Variants in WDR37 observed in about 807,000 individuals in gnomAD.
WDR37 encodes the protein WD repeat-containing protein 37.
In WDR37, 19 loss-of-function variants were observed where a neutral mutation model predicts 62.9. The observed-to-expected ratio is 0.30, with a 90% CI of 0.21 to 0.44. The LOEUF is 0.44. Ranked by LOEUF, WDR37 falls within the 20% of genes least tolerant of loss-of-function variation. WDR37 has a pLI of 1.00. For synonymous variants in WDR37, 250 were observed against 260.9 expected, an observed-to-expected ratio of 0.96 and a Z score of 0.40; for missense variants, 474 against 657.6, an observed-to-expected ratio of 0.72 and a Z score of 3.05.
chr10:1,116,972 A>G (rs565279159), intron 11 of WDR37, among the ~76,000 whole-genome samples: 2 of 152,076 alleles, frequency 1.3e-5, no homozygotes, highest in Admixed American at 6.5e-5. Context: ...CTGCCGTTCC[A>G]TCCTCCTCTC....
chr10:1,105,549 G>A lies in WDR37; in HGVS notation c.1103+282G>A, dbSNP rs1834975675. 6.6e-6 allele frequency among the ~76,000 whole-genome samples: 1 copy of A among 152,192 alleles called. No individual in the cohort carries two copies. The highest frequency in any genetic ancestry group is 1.5e-5 in the Non-Finnish European group (1 of 68,034). ...GGGTGGAGAGGGTTAGAGAAGAGCA[G>A]GGCTGCCAGAGCCTGTAGCTGAGCA... On this transcript the variant is annotated intron_variant, in intron 11 of 13. Coordinates refer to ENST00000263150, the MANE Select transcript of WDR37 (RefSeq NM_014023.4). This position sits in a 1 kb window ranked among gnomAD's most constrained non-coding sequence, Gnocchi z 5.3.
At chr10:1,071,655 G>T (rs1833731427) in intron 1 of WDR37, among the ~76,000 whole-genome samples, 1 of 152,138 alleles carries the variant, frequency 6.6e-6, no homozygotes, top group East Asian at 1.9e-4. Context: ...AACGTATTGG[G>T]TTAAGTAAAT....
At chr10:1,100,825 C>G (rs1240663029) in intron 9 of WDR37, among the ~76,000 whole-genome samples, 11 of 152,194 alleles carry the variant, frequency 7.2e-5, no homozygotes, top group African/African-American at 2.7e-4. Flanking sequence ...TCACCCATCA[C>G]CCCCTGCCTT....
chr10:1,059,101 C>A (rs1165738232), intron 1 of WDR37, among the ~76,000 whole-genome samples: 1 of 152,132 alleles, frequency 6.6e-6, no homozygotes, highest in Admixed American at 6.5e-5. Context: ...GTTGGCAGGG[C>A]GTGGTGGCTC....
chr10:1,102,125 C>T (rs58565934), intron 9 of WDR37, among the ~76,000 whole-genome samples: 8 of 146,060 alleles, frequency 5.5e-5, no homozygotes, highest in Non-Finnish European at 7.4e-5. Context: ...TGCTGCTGTG[C>T]GTCCCTGTGA....
intron 7 of WDR37, among the ~76,000 whole-genome samples, chr10:1,087,222 C>A (rs573570089): frequency 6.6e-6 from 1 of 152,334 alleles, no homozygotes; most frequent in Admixed American, 6.5e-5. Flanking sequence ...TGTTAGACCC[C>A]CTCCTCCGTG....
chr10:1,118,689 G>A (rs891016337), intron 11 of WDR37, among the ~76,000 whole-genome samples: 1 of 152,070 alleles, frequency 6.6e-6, no homozygotes, highest in Non-Finnish European at 1.5e-5. Context: ...CCACAGAAGC[G>A]ATTTCTCCAA....
At chr10:1,115,011 C>T (rs1835343025) in intron 11 of WDR37, among the ~76,000 whole-genome samples, 1 of 151,842 alleles carries the variant, frequency 6.6e-6, no homozygotes, top group Admixed American at 6.6e-5. Context: ...TTTTCCTCCC[C>T]TCCCCATCTC....
At chr10:1,069,385 A>ATTTTTTTTTTTTTTTTTTTT (rs1564496938) in intron 1 of WDR37, among the ~76,000 whole-genome samples, 1 of 28,472 alleles carries the variant, frequency 3.5e-5, no homozygotes, top group Non-Finnish European at 6.9e-5. Flanking sequence ...ATATATATAT[A>ATTTTTTTTTTTTTTTTTTTT]TATATTTTTT....
chr10:1,066,219 C>T (rs1158099943), intron 1 of WDR37, among the ~76,000 whole-genome samples: 1 of 152,064 alleles, frequency 6.6e-6, no homozygotes, highest in Non-Finnish European at 1.5e-5. Flanking sequence ...GGGTTGATGC[C>T]ATTCTCCTGC....
intron 11 of WDR37, among the ~76,000 whole-genome samples, chr10:1,117,607 C>T (rs975189895): frequency 2.8e-4 from 42 of 152,210 alleles, no homozygotes; most frequent in African/African-American, 9.4e-4. Context: ...TTGACACATA[C>T]TCAAAACTTC....
At chr10:1,071,255 G>C (rs1305210153) in intron 1 of WDR37, among the ~76,000 whole-genome samples, 1 of 152,168 alleles carries the variant, frequency 6.6e-6, no homozygotes, top group Admixed American at 6.5e-5. Context: ...CTGCATATGG[G>C]TCAGGCATTC....
intron 11 of WDR37, among the ~76,000 whole-genome samples, chr10:1,118,434 G>A (rs560247654): frequency 6.9e-6 from 1 of 145,478 alleles, no homozygotes; most frequent in African/African-American, 2.6e-5. Context: ...TCTGAGCTGC[G>A]TGCACTCAGC....
At chr10:1,062,301 C>T (rs952947516) in intron 1 of WDR37, among the ~76,000 whole-genome samples, 2 of 152,166 alleles carry the variant, frequency 1.3e-5, no homozygotes, top group African/African-American at 4.8e-5. Context: ...GAACACCATG[C>T]AACTTACGGA....
chr10:1,080,087 G>A lies in WDR37; in HGVS notation c.312G>A (p.Lys104=), dbSNP rs374933103. ...CGATTGATGGAGCAGAGCTGAGTAA[G>A]GGCCAACTCAAAACAAAAGGTAAGG... The part of the protein sequence containing the change: ...GQAIDGAELS[K]GQLKTKASHS... Residue 104 remains lysine (K), a synonymous_variant, in exon 4 of 14, where the codon AAG becomes AAA. Coordinates refer to ENST00000263150, the MANE Select transcript of WDR37 (RefSeq NM_014023.4). The A allele has an allele frequency of 1.1e-4, 171 of 1,613,970 alleles. No individual in the cohort carries two copies. The highest frequency in any genetic ancestry group is 1.4e-4 in the Non-Finnish European group (168 of 1,180,028).
At chr10:1,111,002 A>G (rs1289100695) in intron 11 of WDR37, among the ~76,000 whole-genome samples, 1 of 150,950 alleles carries the variant, frequency 6.6e-6, no homozygotes, top group Non-Finnish European at 1.5e-5. Context: ...CAAAAGTCAG[A>G]CATGTGTTCT....
rs886804563 is a variant in WDR37, at chr10:1,100,858, C to G, written c.727-2744C>G. 3.0e-4 allele frequency among the ~76,000 whole-genome samples: 46 copies of G among 152,320 alleles called. No homozygotes were observed. The East Asian group carries it at 3.5e-3, about 11-fold the overall frequency. ...CTTCAAGGTGACGTACCGAGTACCC[C>G]CCTGCTGCAGCCTGTCTGGGGGCCT... On this transcript the variant is annotated intron_variant, in intron 9 of 13. Coordinates refer to ENST00000263150, the MANE Select transcript of WDR37 (RefSeq NM_014023.4).
chr10:1,094,860 A>T (rs1452669567), intron 8 of WDR37, among the ~76,000 whole-genome samples: 1 of 145,400 alleles, frequency 6.9e-6, no homozygotes, highest in East Asian at 2.1e-4. Flanking sequence ...GAAATGTGAG[A>T]TAATGGGGAT....
intron 5 of WDR37, among the ~76,000 whole-genome samples, chr10:1,083,084 T>C (rs926165442): frequency 6.6e-6 from 1 of 152,236 alleles, no homozygotes; most frequent in Non-Finnish European, 1.5e-5. Context: ...GGAGGTTGTG[T>C]GTGTCCTTTA....
Sources: gnomAD v4.1 joint callset for allele counts (sites outside exome capture counted in the v4.1 genomes callset) on GRCh38, gnomAD v4.1.1 for gene constraint, Gnocchi (gnomAD v3.1) non-coding constraint, MANE v1.5 for transcripts, NCBI Gene and HGNC (gene_info 2026-07-23, HGNC 2026-07-21) for gene names.